The following TIAM2 variants were observed in gnomAD, a reference collection of about 807,000 sequenced individuals.
TIAM2 encodes TIAM Rac1 associated GEF 2.
In TIAM2, 80 loss-of-function variants were observed where a neutral mutation model predicts 152.9. The ratio of observed to expected loss-of-function variants is 0.52; its 90% CI spans 0.44 to 0.63. TIAM2 has a LOEUF of 0.63. Among genes scored for constraint, TIAM2 ranks in the 30% least tolerant of loss-of-function variants. The pLI, the probability that TIAM2 is intolerant of heterozygous loss-of-function variation, is 0.00. For synonymous variants in TIAM2, 804 were observed against 838.0 expected, an observed-to-expected ratio of 0.96 and a Z score of 0.70; for missense variants, 1,965 against 2,120.1, an observed-to-expected ratio of 0.93 and a Z score of 1.44.
intron 21 of TIAM2, chr6:155,250,442 A>C: frequency 1.1e-6 from 1 of 950,686 alleles, no homozygotes; most frequent in Non-Finnish European, 1.5e-6. Flanking sequence ...GCATGCAGGA[A>C]GTAGCATAGT....
chr6:155,168,837 T>C (rs756807288), intron 9 of TIAM2: 36 of 1,534,048 alleles, frequency 2.3e-5, no homozygotes, highest in East Asian at 1.7e-4. Context: ...TCCTCCCCCA[T>C]CTGTCAGATA....
chr6:155,132,779 T>C (rs938476772), intron 4 of TIAM2, among the ~76,000 whole-genome samples: 2 of 152,224 alleles, frequency 1.3e-5, no homozygotes, highest in African/African-American at 4.8e-5. Context: ...ATCGAGCCAA[T>C]GATTCTGCAT....
intron 4 of TIAM2, among the ~76,000 whole-genome samples, chr6:155,132,516 G>T (rs1779471007): frequency 6.6e-6 from 1 of 151,990 alleles, no homozygotes; most frequent in Admixed American, 6.6e-5. Context: ...GTAGTAATTT[G>T]TATAGTGATT....
At chr6:155,095,089 G>A (rs539899102) in intron 2 of TIAM2, among the ~76,000 whole-genome samples, 1 of 152,208 alleles carries the variant, frequency 6.6e-6, no homozygotes, top group South Asian at 2.1e-4. Flanking sequence ...AATGGGGACA[G>A]TGTGTAATTT....
At chr6:155,030,023 G>A (rs1019019253) in intron 1 of TIAM2, among the ~76,000 whole-genome samples, 1 of 151,922 alleles carries the variant, frequency 6.6e-6, no homozygotes, top group Non-Finnish European at 1.5e-5. Context: ...CGAACCCTGG[G>A]GTCAAGCCAT....
At chr6:155,159,257 C>T (rs1484274186) in intron 7 of TIAM2, among the ~76,000 whole-genome samples, 1 of 152,114 alleles carries the variant, frequency 6.6e-6, no homozygotes, top group African/African-American at 2.4e-5. Flanking sequence ...GGTAGTCTTA[C>T]CTCCTTCTCT....
chr6:155,190,804 A>T (rs575321387), intron 14 of TIAM2, among the ~76,000 whole-genome samples: 53 of 152,032 alleles, frequency 3.5e-4, no homozygotes, highest in African/African-American at 1.2e-3. Flanking sequence ...GGCTGCTGAG[A>T]AGAGGAAACT....
chr6:155,210,141 G>A (rs1215987241), intron 14 of TIAM2, among the ~76,000 whole-genome samples: 2 of 152,324 alleles, frequency 1.3e-5, no homozygotes, highest in East Asian at 3.9e-4. Flanking sequence ...TATTGGAGAA[G>A]AGTGCTGAGG....
intron 7 of TIAM2, among the ~76,000 whole-genome samples, chr6:155,163,831 T>A (rs1356497577): frequency 6.6e-6 from 1 of 152,180 alleles, no homozygotes; most frequent in Non-Finnish European, 1.5e-5. Flanking sequence ...GTCAGGATGG[T>A]TTAGAGTGTT....
At chr6:155,164,878 G>A (rs750898419) in intron 8 of TIAM2, among the ~76,000 whole-genome samples, 3 of 152,202 alleles carry the variant, frequency 2.0e-5, no homozygotes, top group Non-Finnish European at 2.9e-5. Flanking sequence ...CATCAGGAAA[G>A]TGGGATCCTG....
At chr6:155,253,826 A>G (rs1264367191) in intron 24 of TIAM2, 147 bp from the exon 25 acceptor site, 3 of 596,920 alleles carry the variant, frequency 5.0e-6, no homozygotes, top group Non-Finnish European at 8.7e-6. Flanking sequence ...TGTGAAAATC[A>G]TACATAGAAC....
intron 14 of TIAM2, among the ~76,000 whole-genome samples, chr6:155,191,681 A>G (rs554363236): frequency 6.6e-6 from 1 of 152,128 alleles, no homozygotes; most frequent in East Asian, 1.9e-4. Context: ...AGTTCAAGCT[A>G]TCACTCGGGA....
chr6:155,205,182 TAAAAAAAAAAAAAAAAAAAAAAAAAA>T (rs61272546), intron 14 of TIAM2, among the ~76,000 whole-genome samples: 6 of 40,542 alleles, frequency 1.5e-4, no homozygotes, highest in East Asian at 5.5e-4. Context: ...TATTAATTTC[TAAAAAAAAAAAAAAAAAAAAAAAAAA>T]AAAAAAAAAA....
At position 155,160,778 on chromosome 6, in the gene TIAM2, C is replaced by CAA. The variant is rs539426711; in HGVS notation, c.2029-3635_2029-3634dup. On this transcript the variant is annotated intron_variant, in intron 7 of 26. Transcript: ENST00000682666. ...CCATGTCTCAAAACAAAAACAAAAACAAACAAACAAACAAAAAATCACTCC... is the reference window on the plus strand; with the variant it reads ...CCATGTCTCAAAACAAAAACAAAAACAAAAACAAACAAACAAAAAATCACTCC... Among the ~76,000 whole-genome samples, 3 of 44,410 alleles carry CAA rather than the reference C, an allele frequency of 6.8e-5. No individual in the cohort carries two copies. In the East Asian group the frequency reaches 2.8e-3, roughly 41 times the overall value. 29.1% of individuals were successfully genotyped at this position (44,410 alleles called of 152,430 possible).
At chr6:155,117,920 A>G (rs1779053597) in intron 2 of TIAM2, among the ~76,000 whole-genome samples, 1 of 152,170 alleles carries the variant, frequency 6.6e-6, no homozygotes, top group Non-Finnish European at 1.5e-5. Flanking sequence ...TTCATGTCGA[A>G]TTGTTGAGTG....
intron 2 of TIAM2, among the ~76,000 whole-genome samples, chr6:155,108,587 T>C (rs73573769): frequency 6.2e-4 from 95 of 152,294 alleles, no homozygotes; most frequent in African/African-American, 2.3e-3. Flanking sequence ...TTCAATACTT[T>C]AGTGCAGAGG....
At chr6:155,192,351 G>C (rs1781226776) in intron 14 of TIAM2, among the ~76,000 whole-genome samples, 2 of 152,058 alleles carry the variant, frequency 1.3e-5, no homozygotes, top group Admixed American at 6.6e-5. Context: ...GGGGTGCCAT[G>C]GTCTGGAGGC....
chr6:155,161,146 G>T (rs551862764), intron 7 of TIAM2, among the ~76,000 whole-genome samples: 1 of 152,206 alleles, frequency 6.6e-6, no homozygotes. Flanking sequence ...AAGTGTTTCT[G>T]ATAAAACTTT....
chr6:155,029,812 GAGACAGGGTCTC>G (rs966622968), intron 1 of TIAM2, among the ~76,000 whole-genome samples: 75 of 148,536 alleles, frequency 5.0e-4, no homozygotes, highest in African/African-American at 1.8e-3. Context: ...TTGTTTTTCT[GAGACAGGGTCTC>G]AGTCTGTTGC....
Sources: allele counts gnomAD v4.1 joint callset (sites outside exome capture counted in the v4.1 genomes callset), GRCh38; gene constraint gnomAD v4.1.1; transcripts MANE v1.5; gene names NCBI Gene and HGNC (gene_info 2026-07-23, HGNC 2026-07-21).